SH2D3C: variants seen among roughly 807,000 people sequenced by gnomAD.
SH2D3C encodes the protein SH2 domain containing 3C, also known as SH2 domain-containing protein 3C.
A neutral mutation model predicts 75.2 loss-of-function variants in SH2D3C; 25 were observed. The ratio of observed to expected loss-of-function variants is 0.33; its 90% CI spans 0.24 to 0.46. The LOEUF is 0.46. Among genes scored for constraint, SH2D3C ranks in the 20% least tolerant of loss-of-function variants. The pLI, the probability that SH2D3C is intolerant of heterozygous loss-of-function variation, is 1.00. For synonymous variants in SH2D3C, 450 were observed against 473.7 expected (o/e 0.95, Z 0.65); for missense variants, 933 against 1,165.3 (o/e 0.80, Z 2.90).
chr9:127,743,061 G>T, intron 7 of SH2D3C, 97 bp from the exon 8 acceptor site: 1 of 763,544 alleles, frequency 1.3e-6, no homozygotes, highest in Non-Finnish European at 2.1e-6. Context: ...AGGTAGCCTG[G>T]TTGGGAGGCG....
rs1346455647 is a variant in SH2D3C, at chr9:127,739,994, G to A, written c.2201-106C>T. The A allele has an allele frequency of 2.3e-5, 26 of 1,112,836 alleles. No homozygotes were observed. The East Asian group carries it at 2.6e-4, about 11-fold the overall frequency. The allele number at this position is 1,112,836 out of a possible 1,614,324, so 68.9% of individuals were successfully genotyped here. ...GAGGGAACGGGCCTGGCTGAGGTCC[G>A]GGAGAGAGCCCCAAGGGCTCCTGAC... On this transcript the variant is annotated intron_variant, in intron 10 of 11. Transcript: ENST00000314830. The surrounding 1 kb of genome is among the most constrained non-coding windows in gnomAD (Gnocchi z 4.3).
In SH2D3C at chr9:127,744,880, T is replaced by C. The variant is rs754749096; in HGVS notation, c.1484A>G (p.Tyr495Cys). Residue 495 changes from tyrosine to cysteine, a missense_variant, in exon 7 of 12, where the codon TAC becomes TGC. Transcript: ENST00000314830. ...SSYSDPDSGHYCQLQPPVRGS... is the reference protein window; with the variant it reads ...SSYSDPDSGHCCQLQPPVRGS... ...ACGCACGGGAGGCTGGAGCTGGCAG[T>C]AGTGGCCAGAGTCCGGGTCACTGTA... 1 of 1,613,634 alleles carries C rather than the reference T, an allele frequency of 6.2e-7. No individual in the cohort carries two copies. The highest frequency in any genetic ancestry group is 1.1e-5 in the South Asian group (1 of 91,056).
chr9:127,772,793 G>A (rs1159057346), intron 2 of SH2D3C, among the ~76,000 whole-genome samples: 1 of 151,930 alleles, frequency 6.6e-6, no homozygotes, highest in Non-Finnish European at 1.5e-5. Flanking sequence ...AACCTTGGCT[G>A]AGTCTCAGTT....
intron 1 of SH2D3C, among the ~76,000 whole-genome samples, chr9:127,776,044 G>A (rs1473443276): frequency 6.6e-6 from 1 of 152,042 alleles, no homozygotes; most frequent in Non-Finnish European, 1.5e-5. Context: ...GGCCAGGCTA[G>A]TCTCAAACTC....
intron 2 of SH2D3C, chr9:127,767,324 G>A: frequency 8.4e-6 from 12 of 1,430,054 alleles, no homozygotes; most frequent in Non-Finnish European, 1.1e-5. Context: ...AGTGGATGAG[G>A]GAACGCCTGG....
chr9:127,773,491 C>T (rs1845766793), intron 2 of SH2D3C, among the ~76,000 whole-genome samples: 1 of 152,144 alleles, frequency 6.6e-6, no homozygotes. Flanking sequence ...CTCTGTGAAT[C>T]TCAGCTTCCT....
chr9:127,775,457 C>G (rs1845795775), intron 1 of SH2D3C, among the ~76,000 whole-genome samples: 1 of 152,050 alleles, frequency 6.6e-6, no homozygotes, highest in South Asian at 2.1e-4. Context: ...TGGTGAAACC[C>G]TGTCTCTACT....
chr9:127,771,507 C>G (rs1235684277), intron 2 of SH2D3C: 2 of 581,268 alleles, frequency 3.4e-6, no homozygotes, highest in Admixed American at 4.3e-5. Flanking sequence ...AAGGCCTCGC[C>G]CCCTAGCACA....
chr9:127,778,511 G>A, intron 1 of SH2D3C, 80 bp downstream of exon 1: 1 of 1,075,400 alleles, frequency 9.3e-7, no homozygotes, highest in East Asian at 2.4e-5. Context: ...AAATGAGACA[G>A]TGATGAAGAA....
intron 6 of SH2D3C, 33 bp downstream of exon 6, chr9:127,747,114 C>T (rs750408402): frequency 1.9e-6 from 3 of 1,604,572 alleles, no homozygotes; most frequent in South Asian, 1.1e-5. Context: ...AACAGATTCC[C>T]TCCACCTGCT....
intron 2 of SH2D3C, chr9:127,771,067 A>C: frequency 1.4e-6 from 1 of 716,126 alleles, no homozygotes; most frequent in Non-Finnish European, 2.2e-6. Flanking sequence ...ACTGGCTTAG[A>C]AAAGTCCCTG....
intron 5 of SH2D3C, among the ~76,000 whole-genome samples, chr9:127,748,894 CTCCCCTGGGGT>C (rs910335055): frequency 6.6e-6 from 1 of 152,150 alleles, no homozygotes; most frequent in Non-Finnish European, 1.5e-5. Context: ...GGACTCAGGG[CTCCCCTGGGGT>C]AGGGAGGGCT....
At chr9:127,771,119 G>A in intron 2 of SH2D3C, 2 of 1,267,706 alleles carry the variant, frequency 1.6e-6, no homozygotes, top group Non-Finnish European at 1.1e-6. Context: ...CCCCAGGGGT[G>A]CAGATTTCCT....
At chr9:127,742,992 A>G (rs781579976) in intron 7 of SH2D3C, 28 bp from the exon 8 acceptor site, 1 of 1,557,162 alleles carries the variant, frequency 6.4e-7, no homozygotes, top group Non-Finnish European at 8.8e-7. Context: ...GGGCTGATTA[A>G]TATCCTGTCA....
chr9:127,742,639 G>A (rs559730359), intron 8 of SH2D3C: 62 of 518,338 alleles, frequency 1.2e-4, no homozygotes, highest in African/African-American at 1.1e-3. Context: ...CGAAAGGAAG[G>A]CGAATGCGGA....
At position 127,744,915 on chromosome 9, in the gene SH2D3C, T is replaced by C. The variant is rs763607740; in HGVS notation, c.1449A>G (p.Ser483=). 1.2e-6 allele frequency: 2 copies of C among 1,604,280 alleles called. No homozygotes were observed. Among genetic ancestry groups the C allele is most frequent in the South Asian group, 1.1e-5 (1 of 90,186 alleles). ...HTLGKASPSP[S]LSSYSDPDSG... is the part of the protein sequence containing the mutation. ...AGTCCGGGTCACTGTAGCTGCTGAG[T>C]GATGGTGACGGGGAGGCCTTGCCAA... Residue 483 remains serine, a synonymous_variant, in exon 7 of 12, where the codon TCA becomes TCG. Coordinates refer to ENST00000314830, the MANE Select transcript of SH2D3C (RefSeq NM_170600.3).
intron 3 of SH2D3C, among the ~76,000 whole-genome samples, chr9:127,756,923 C>T (rs754102802): frequency 5.9e-5 from 9 of 152,016 alleles, no homozygotes; most frequent in Non-Finnish European, 1.3e-4. Flanking sequence ...TGAGCCTCCA[C>T]GCCTGGCCTG....
Position 127,739,497 on chromosome 9 carries a change from G to A in SH2D3C, c.2407+185C>T, listed in dbSNP as rs2131729175. ...TGCACTCCAGCCTGGGCGACAGTGTGAGACTCCATCTCAAAAAAAAAAGAA... is the reference window on the plus strand; with the variant it reads ...TGCACTCCAGCCTGGGCGACAGTGTAAGACTCCATCTCAAAAAAAAAAGAA... On this transcript the variant is annotated intron_variant, in intron 11 of 11. Coordinates refer to ENST00000314830, the MANE Select transcript of SH2D3C (RefSeq NM_170600.3). This position sits in a 1 kb window ranked among gnomAD's most constrained non-coding sequence, Gnocchi z 4.3. 6.6e-6 allele frequency among the ~76,000 whole-genome samples: 1 copy of A among 151,888 alleles called. No homozygotes were observed. Among genetic ancestry groups the A allele is most frequent in the South Asian group, 2.1e-4 (1 of 4,810 alleles).
intron 1 of SH2D3C, among the ~76,000 whole-genome samples, chr9:127,775,301 C>A (rs1845793461): frequency 6.6e-6 from 1 of 152,102 alleles, no homozygotes; most frequent in Non-Finnish European, 1.5e-5. Flanking sequence ...CAAAACCAGC[C>A]TCGGCAACAT....
Sources: allele counts gnomAD v4.1 joint callset (sites outside exome capture counted in the v4.1 genomes callset), GRCh38; gene constraint gnomAD v4.1.1; non-coding constraint Gnocchi (gnomAD v3.1); transcripts MANE v1.5; gene names NCBI Gene and HGNC (gene_info 2026-07-23, HGNC 2026-07-21).